TTBK2: variants seen among roughly 807,000 people sequenced by gnomAD.
TTBK2 encodes tau tubulin kinase 2.
A neutral mutation model predicts 110.8 loss-of-function variants in TTBK2; 28 were observed. The ratio of observed to expected loss-of-function variants is 0.25; its 90% CI spans 0.19 to 0.35. The LOEUF is 0.35. TTBK2 is among the 10% of genes least tolerant of loss of function. The pLI is 1.00. For missense variants in TTBK2, 1,369 were observed against 1,500.3 expected, an observed-to-expected ratio of 0.91 and a Z score of 1.45; for synonymous variants, 532 against 527.3, an observed-to-expected ratio of 1.01 and a Z score of -0.12.
chr15:42,778,235 ATGAT>A (rs1037715572), intron 11 of TTBK2, among the ~76,000 whole-genome samples: 36 of 150,480 alleles, frequency 2.4e-4, no homozygotes, highest in Non-Finnish European at 2.7e-4. Flanking sequence ...TTGGAATTAA[ATGAT>A]TGATTAACTT....
chr15:42,816,090 ATATATATATATATAT>A (rs1892007311), intron 7 of TTBK2, among the ~76,000 whole-genome samples: 2 of 96,802 alleles, frequency 2.1e-5, no homozygotes, highest in African/African-American at 1.1e-4. Context: ...AAATAAATAT[ATATATATATATATAT>A]ATATATATAT....
chr15:42,817,210 CACT>C, intron 6 of TTBK2, 113 bp from the exon 7 acceptor site: 1 of 602,468 alleles, frequency 1.7e-6, no homozygotes, highest in Non-Finnish European at 2.5e-6. Context: ...CACAATAAAA[CACT>C]ATTTAATTTC....
intron 9 of TTBK2, among the ~76,000 whole-genome samples, chr15:42,805,267 T>C (rs1891411975): frequency 6.6e-6 from 1 of 152,146 alleles, no homozygotes. Context: ...AAAATTGAGA[T>C]AAATGTGCAA....
rs1163086427 is a variant in TTBK2 at position 42,741,656 on chromosome 15, TCTAA to T, written c.*4135_*4138del. The T allele has an allele frequency of 6.6e-6, 1 of 152,234 alleles. No homozygotes were observed. Among genetic ancestry groups the T allele is most frequent in the Non-Finnish European group, 1.5e-5 (1 of 68,050 alleles). The allele number at this position is 152,234 out of a possible 1,614,324, so 9.4% of individuals were successfully genotyped here. A position where few individuals can be genotyped will look rare whatever the true frequency, so the allele number is the denominator to read the frequency against. On this transcript the variant is annotated 3_prime_UTR_variant, in exon 15 of 15. Transcript: ENST00000267890. ...ATAAACATGACAGAAGAAGTGGTTCTCTAACATATGCCATGTTTGATCAATATAA... is the reference window on the plus strand; with the variant it reads ...ATAAACATGACAGAAGAAGTGGTTCTCATATGCCATGTTTGATCAATATAA...
chr15:42,905,292 G>A (rs1004022826), intron 1 of TTBK2, among the ~76,000 whole-genome samples: 1 of 151,978 alleles, frequency 6.6e-6, no homozygotes, highest in Non-Finnish European at 1.5e-5. Flanking sequence ...GTTTTGTTTC[G>A]AGACAGGGCC....
intron 13 of TTBK2, among the ~76,000 whole-genome samples, chr15:42,773,556 A>C (rs1321784668): frequency 6.6e-6 from 1 of 152,212 alleles, no homozygotes; most frequent in East Asian, 1.9e-4. Flanking sequence ...AAAACACCGC[A>C]GTAGTGTAAG....
At chr15:42,874,713 C>T (rs1400174771) in intron 2 of TTBK2, among the ~76,000 whole-genome samples, 4 of 151,306 alleles carry the variant, frequency 2.6e-5, no homozygotes, top group East Asian at 2.0e-4. Flanking sequence ...AGTGGCCGGG[C>T]GCGGTGGCTC....
intron 10 of TTBK2, among the ~76,000 whole-genome samples, chr15:42,785,655 C>G (rs1488636437): frequency 6.6e-6 from 1 of 151,950 alleles, no homozygotes; most frequent in East Asian, 1.9e-4. Flanking sequence ...TCCCTTAGAC[C>G]CTCCCATGAG....
chr15:42,791,088 T>G (rs147323330), intron 10 of TTBK2, among the ~76,000 whole-genome samples: 1 of 152,060 alleles, frequency 6.6e-6, no homozygotes, highest in Non-Finnish European at 1.5e-5. Context: ...GGGGTTTCAC[T>G]GTGTTAGCCA....
At chr15:42,749,329 C>G (rs887126038) in intron 14 of TTBK2, among the ~76,000 whole-genome samples, 2 of 152,234 alleles carry the variant, frequency 1.3e-5, no homozygotes, top group Non-Finnish European at 2.9e-5. Context: ...CAGAATCTGT[C>G]TGATGTAATT....
intron 1 of TTBK2, among the ~76,000 whole-genome samples, chr15:42,907,775 A>G (rs1241015963): frequency 6.6e-6 from 1 of 152,112 alleles, no homozygotes; most frequent in Non-Finnish European, 1.5e-5. Flanking sequence ...GTTTTACCTC[A>G]ATTAAAAAAT....
chr15:42,907,730 T>C (rs979815163), intron 1 of TTBK2, among the ~76,000 whole-genome samples: 1 of 152,036 alleles, frequency 6.6e-6, no homozygotes, highest in Non-Finnish European at 1.5e-5. Context: ...AAACTGTACA[T>C]ATAAAATGGT....
intron 13 of TTBK2, among the ~76,000 whole-genome samples, chr15:42,768,474 C>G (rs556459300): frequency 5.8e-4 from 89 of 152,234 alleles, no homozygotes; most frequent in Non-Finnish European, 7.6e-4. Context: ...CAATAACAGA[C>G]AGAGAGCCAA....
chr15:42,905,906 T>G (rs1167197633), intron 1 of TTBK2, among the ~76,000 whole-genome samples: 3 of 152,150 alleles, frequency 2.0e-5, no homozygotes, highest in Admixed American at 2.0e-4. Context: ...TCAATAAAAC[T>G]GGCCGGGCAT....
At position 42,752,320 on chromosome 15, in the gene TTBK2, G is replaced by A. The variant is rs759127398; in HGVS notation, c.2926C>T (p.Pro976Ser). 10 of 1,614,086 alleles carry A rather than the reference G, an allele frequency of 6.2e-6. No homozygotes were observed. In the East Asian group the frequency reaches 1.8e-4, roughly 29 times the overall value. The change falls in exon 14 of 15, where the codon CCA becomes TCA. Residue 976 changes from proline to serine, a missense_variant. This residue lies in a region of TTBK2 where 1,097 missense variants were observed against 1,114.7 expected (regional missense o/e 0.98). Coordinates refer to ENST00000267890, the MANE Select transcript of TTBK2 (RefSeq NM_173500.4). ...TCCACCAGAAGCTTGACTAGGTCTGGCTGATAGGCTTTCTTTTGGAGGAGC... is the reference window on the plus strand; with the variant it reads ...TCCACCAGAAGCTTGACTAGGTCTGACTGATAGGCTTTCTTTTGGAGGAGC... ...EKLLQKKAYQPDLVKLLVEKR... is the reference protein window; with the variant it reads ...EKLLQKKAYQSDLVKLLVEKR...
intron 3 of TTBK2, among the ~76,000 whole-genome samples, chr15:42,851,579 A>G (rs989198324): frequency 6.6e-6 from 1 of 152,118 alleles, no homozygotes; most frequent in African/African-American, 2.4e-5. Context: ...GTTTGATTCC[A>G]TATGTTGTTG....
At position 42,762,757 on chromosome 15, in the gene TTBK2, TAAAC is replaced by T. The variant is rs2062048590; in HGVS notation, c.1999-9514_1999-9511del. ...TAAATAAATAAAAGAAAATGTGGTATAAACAAACAATGGAATACTATTCAGCCAT... is the reference window on the plus strand; with the variant it reads ...TAAATAAATAAAAGAAAATGTGGTATAAACAATGGAATACTATTCAGCCAT... On this transcript the variant is annotated intron_variant, in intron 13 of 14. Transcript: ENST00000267890. Among the ~76,000 whole-genome samples, 5 of 151,844 alleles carry T rather than the reference TAAAC, an allele frequency of 3.3e-5. No homozygotes were observed. In the South Asian group the frequency reaches 8.3e-4, roughly 25 times the overall value.
At chr15:42,911,702 G>A (rs899225269) in intron 1 of TTBK2, among the ~76,000 whole-genome samples, 2 of 152,162 alleles carry the variant, frequency 1.3e-5, no homozygotes, top group Admixed American at 6.5e-5. Flanking sequence ...CCAACCCACA[G>A]AACAGTTAAC....
At chr15:42,896,428 C>A (rs1277198891) in intron 1 of TTBK2, among the ~76,000 whole-genome samples, 1 of 151,940 alleles carries the variant, frequency 6.6e-6, no homozygotes, top group African/African-American at 2.4e-5. Context: ...AAACAGAACC[C>A]CTGTCTAAAT....
Sources: allele counts gnomAD v4.1 joint callset (sites outside exome capture counted in the v4.1 genomes callset), GRCh38; gene constraint gnomAD v4.1.1; regional missense constraint gnomAD v4.1.1; transcripts MANE v1.5; gene names NCBI Gene and HGNC (gene_info 2026-07-23, HGNC 2026-07-21).